GLIS3: variants seen among roughly 807,000 people sequenced by gnomAD.
GLIS3 encodes zinc finger protein GLIS3.
GLIS3 carries 53 observed loss-of-function variants against 78.6 expected under a neutral mutation model. The observed-to-expected ratio is 0.67, with a 90% CI of 0.54 to 0.85. The LOEUF (loss-of-function observed/expected upper bound fraction) is 0.85, where lower values mean the gene tolerates loss of function less well. Ranked by LOEUF, GLIS3 falls within the 40% of genes least tolerant of loss-of-function variation. The pLI is 0.00. For missense variants in GLIS3, 1,703 were observed against 1,231.1 expected, an observed-to-expected ratio of 1.38 and a Z score of -5.74; for synonymous variants, 684 against 509.9, an observed-to-expected ratio of 1.34 and a Z score of -4.60.
intron 4 of GLIS3, among the ~76,000 whole-genome samples, chr9:4,024,431 C>T (rs1443051583): frequency 6.6e-6 from 1 of 152,168 alleles, no homozygotes; most frequent in Admixed American, 6.5e-5. Context: ...CTTGAATCAG[C>T]CCCATTAGTT....
chr9:4,105,060 A>G (rs1167739573), intron 4 of GLIS3, among the ~76,000 whole-genome samples: 2 of 152,232 alleles, frequency 1.3e-5, no homozygotes, highest in African/African-American at 4.8e-5. Flanking sequence ...TTAAAGATCT[A>G]AAATATCTAT....
chr9:4,409,922 G>C, the GLIS3 span, among the ~76,000 whole-genome samples: 1 of 152,132 alleles, frequency 6.6e-6, no homozygotes, highest in African/African-American at 2.4e-5. Context: ...TTTTTTGACA[G>C]TATACATAAA....
the GLIS3 span, among the ~76,000 whole-genome samples, chr9:4,450,947 G>A: frequency 2.6e-5 from 4 of 152,002 alleles, no homozygotes; most frequent in Admixed American, 2.6e-4. Context: ...TCAACTAACG[G>A]GTAAAATAAC....
chr9:4,330,791 G>C (rs970841438), intron 2 of GLIS3, among the ~76,000 whole-genome samples: 17 of 152,152 alleles, frequency 1.1e-4, no homozygotes, highest in Admixed American at 2.6e-4. Context: ...AGATAACTTA[G>C]AAAAAATGCA....
chr9:4,230,723 C>A (rs568863677), intron 2 of GLIS3, among the ~76,000 whole-genome samples: 3 of 152,040 alleles, frequency 2.0e-5, no homozygotes. Context: ...CAAAAGCATC[C>A]GTCAAAGAGG....
At chr9:4,162,436 G>A (rs559952475) in intron 2 of GLIS3, among the ~76,000 whole-genome samples, 1 of 152,258 alleles carries the variant, frequency 6.6e-6, no homozygotes, top group South Asian at 2.1e-4. Context: ...GGAATCTGAA[G>A]AACATTTGCA....
intron 2 of GLIS3, among the ~76,000 whole-genome samples, chr9:4,274,645 G>C (rs988852716): frequency 1.1e-4 from 16 of 152,168 alleles, no homozygotes; most frequent in African/African-American, 3.9e-4. Context: ...GCAAAAAACA[G>C]ATTCAAAAAC....
At chr9:4,024,920 C>T (rs568321149) in intron 4 of GLIS3, among the ~76,000 whole-genome samples, 23 of 152,212 alleles carry the variant, frequency 1.5e-4, no homozygotes, top group Middle Eastern at 3.4e-3. Flanking sequence ...GTTCATCACT[C>T]GATCCCTAGC....
At chr9:4,255,608 G>C (rs1421723836) in intron 2 of GLIS3, among the ~76,000 whole-genome samples, 7 of 152,260 alleles carry the variant, frequency 4.6e-5, no homozygotes, top group African/African-American at 1.7e-4. Flanking sequence ...AAAGAAGCCA[G>C]TCTGAGAAGG....
chr9:4,230,642 A>G (rs563932264), intron 2 of GLIS3, among the ~76,000 whole-genome samples: 10 of 152,314 alleles, frequency 6.6e-5, no homozygotes, highest in African/African-American at 2.4e-4. Context: ...GAGCAGGGAA[A>G]TATAAGCACC....
chr9:4,421,617 C>T, the GLIS3 span, among the ~76,000 whole-genome samples: 7 of 152,192 alleles, frequency 4.6e-5, no homozygotes, highest in East Asian at 1.9e-4. Context: ...TCACTGGAAC[C>T]GGCAGGGGAA....
chr9:3,889,791 T>G (rs1385191023), intron 7 of GLIS3, among the ~76,000 whole-genome samples: 2 of 152,220 alleles, frequency 1.3e-5, no homozygotes, highest in African/African-American at 2.4e-5. Flanking sequence ...TAAAAAATTT[T>G]TTACATTAAA....
chr9:4,184,200 G>T (rs1356463443), intron 2 of GLIS3, among the ~76,000 whole-genome samples: 1 of 152,082 alleles, frequency 6.6e-6, no homozygotes, highest in Non-Finnish European at 1.5e-5. Flanking sequence ...GATTATCCTT[G>T]GCAATGTGGA....
In GLIS3 at chr9:3,991,966, A is replaced by AG. The variant is rs1403120162; in HGVS notation, c.1711-54778dup. On this transcript the variant is annotated intron_variant, in intron 4 of 10. Transcript: ENST00000381971. ...CGGCCTCCCAAAGTGCTGGGATTAC[A>AG]GGCATGAGCCACCCTGCCCGGCCAG... Among the ~76,000 whole-genome samples the AG allele has an allele frequency of 2.0e-5, 3 of 152,298 alleles. No individual in the cohort carries two copies. In the East Asian group the frequency reaches 5.8e-4, roughly 29 times the overall value.
the GLIS3 span, among the ~76,000 whole-genome samples, chr9:4,448,308 A>G: frequency 8.5e-4 from 130 of 152,294 alleles, 1 homozygote; most frequent in Non-Finnish European, 1.6e-3. Context: ...ATCTATTCCC[A>G]ACAAAGCCAC....
chr9:3,930,310 G>T (rs1332495807), intron 6 of GLIS3, among the ~76,000 whole-genome samples: 1 of 152,206 alleles, frequency 6.6e-6, no homozygotes, highest in Admixed American at 6.5e-5. Context: ...TTGAGAGACA[G>T]TGTCTCCATT....
Position 4,200,922 on chromosome 9 carries a change from G to C in GLIS3, c.389-74981C>G, listed in dbSNP as rs575678840. Among the ~76,000 whole-genome samples, 3 of 152,228 alleles carry C rather than the reference G, an allele frequency of 2.0e-5. No individual in the cohort carries two copies. The South Asian group carries it at 6.2e-4, about 32-fold the overall frequency. ...CAGGCCAATATCCCTGATGAACACA[G>C]ATGCAAAAATCCTCAACAAAATCTA... is the stretch of plus-strand genomic sequence containing the variant. On this transcript the variant is annotated intron_variant, in intron 2 of 10. Coordinates refer to ENST00000381971, the MANE Select transcript of GLIS3 (RefSeq NM_001042413.2).
intron 1 of GLIS3, chr9:4,298,323 A>G (rs949758449): frequency 4.4e-6 from 2 of 455,504 alleles, no homozygotes; most frequent in Non-Finnish European, 8.8e-6. Flanking sequence ...CACCTCCAGC[A>G]AGTCGGAGGG....
intron 2 of GLIS3, among the ~76,000 whole-genome samples, chr9:4,318,632 AATAT>A (rs755211100): frequency 4.5e-4 from 68 of 152,322 alleles, no homozygotes; most frequent in Non-Finnish European, 7.9e-4. Context: ...GAGATAAAAA[AATAT>A]ATAAATAAGT....
Sources: allele counts gnomAD v4.1 joint callset (sites outside exome capture counted in the v4.1 genomes callset), GRCh38; gene constraint gnomAD v4.1.1; transcripts MANE v1.5; gene names NCBI Gene and HGNC (gene_info 2026-07-23, HGNC 2026-07-21).